The following HERC2 variants were observed in gnomAD, a reference collection of about 807,000 sequenced individuals.
HERC2 encodes E3 ubiquitin-protein ligase HERC2.
Under a neutral mutation model 537.7 loss-of-function variants are expected in HERC2, and 102 were observed. The observed-to-expected ratio is 0.19, with a 90% CI of 0.16 to 0.22. The LOEUF is 0.22. Ranked by LOEUF, HERC2 falls within the 10% of genes least tolerant of loss-of-function variation. The pLI, the probability that HERC2 is intolerant of heterozygous loss-of-function variation, is 1.00. For missense variants in HERC2, 4,236 were observed against 6,198.2 expected (o/e 0.68, Z 10.63); for synonymous variants, 2,224 against 2,466.2 (o/e 0.90, Z 2.91).
At chr15:28,314,520 A>T (rs1596469449) in intron 2 of HERC2, among the ~76,000 whole-genome samples, 1 of 150,446 alleles carries the variant, frequency 6.6e-6, no homozygotes, top group Non-Finnish European at 1.5e-5. Flanking sequence ...ACATATATTT[A>T]AAAAGTGATT....
intron 42 of HERC2, 112 bp downstream of exon 42, chr15:28,213,630 G>A (rs1201893807): frequency 6.4e-7 from 1 of 1,555,976 alleles, no homozygotes; most frequent in African/African-American, 1.4e-5. Context: ...CTTCCTGGAA[G>A]GCAAACTTCA....
intron 11 of HERC2, 123 bp downstream of exon 11, chr15:28,269,125 T>C (rs2075649820): frequency 1.4e-6 from 1 of 721,958 alleles, no homozygotes. Context: ...TAATATACAA[T>C]AAACAGAACT....
At chr15:28,156,238 C>G (rs1180105045) in intron 69 of HERC2, among the ~76,000 whole-genome samples, 1 of 152,148 alleles carries the variant, frequency 6.6e-6, no homozygotes, top group Admixed American at 6.5e-5. Context: ...ATTGACTTGG[C>G]AATGCGGGCT....
At chr15:28,281,328 G>T (rs183136785) in intron 4 of HERC2, among the ~76,000 whole-genome samples, 7 of 152,266 alleles carry the variant, frequency 4.6e-5, no homozygotes, top group East Asian at 1.9e-4. Flanking sequence ...TAAGGGAATT[G>T]TAAGTTACCT....
At chr15:28,230,727 C>G (rs1049494059) in intron 30 of HERC2, among the ~76,000 whole-genome samples, 1 of 151,604 alleles carries the variant, frequency 6.6e-6, no homozygotes, top group South Asian at 2.1e-4. Context: ...ACGGGAAGCC[C>G]GGCAGCCAGC....
In HERC2 at chr15:28,257,081, G is replaced by A. The variant is rs1567080583; in HGVS notation, c.2497C>T (p.Leu833=). ...AATACCTGAAGTCGTAGAAGATTCA[G>A]CGTTGCCACGGCCACACACTCTTTC... ...QEKECVAVAT[L]NLLRLQLHAA... Residue 833 remains leucine (L), a synonymous_variant, in exon 17 of 93, where the codon CTG becomes TTG. Transcript: ENST00000261609. 6.2e-7 allele frequency: 1 copy of A among 1,613,670 alleles called. No homozygotes were observed. Among genetic ancestry groups the A allele is most frequent in the Non-Finnish European group, 8.5e-7 (1 of 1,179,638 alleles).
At position 28,169,542 on chromosome 15, in the gene HERC2, G is replaced by GATT. The variant is rs757565125; in HGVS notation, c.10168_10170dup (p.Asn3390dup). The GATT allele has an allele frequency of 1.2e-6, 2 of 1,612,890 alleles. No homozygotes were observed. The highest frequency in any genetic ancestry group is 2.2e-5 in the South Asian group (2 of 91,020). On this transcript the variant is annotated inframe_insertion, in exon 66 of 93. Coordinates refer to ENST00000261609, the MANE Select transcript of HERC2 (RefSeq NM_004667.6). ...TGTGATAAGGCCTGCTGTTTGGCCA[G>GATT]ATTTCCATCCAATGACAAGAGAATC...
rs543946257 is a variant in HERC2, at chr15:28,192,128, G to C, written c.8284C>G (p.Arg2762Gly). 2 of 1,613,580 alleles carry C rather than the reference G, an allele frequency of 1.2e-6. No individual in the cohort carries two copies. The highest frequency in any genetic ancestry group is 2.7e-5 in the African/African-American group (2 of 75,034). The change falls in exon 53 of 93, where the codon CGT becomes GGT. Residue 2762 changes from arginine (R) to glycine (G), a missense_variant. Physicochemically the swap from Arg to Gly is moderately radical, Grantham distance 125 (BLOSUM62 -2). Coordinates refer to ENST00000261609, the MANE Select transcript of HERC2 (RefSeq NM_004667.6). ...CAACGCTTCAGCTGTTTTCCAGAAC[G>C]GCCACAAAATACCGCAGACTGACCT... Reference protein sequence around the residue: ...EPGQSAVFCGRSGKQLKRCHS... With the variant: ...EPGQSAVFCGGSGKQLKRCHS...
At chr15:28,315,245 C>T (rs973248010) in intron 2 of HERC2, among the ~76,000 whole-genome samples, 43 of 152,340 alleles carry the variant, frequency 2.8e-4, no homozygotes, top group African/African-American at 5.3e-4. Flanking sequence ...AAGTGGTGAA[C>T]GTTCATACCA....
chr15:28,301,108 A>G (rs1439451956), intron 2 of HERC2, among the ~76,000 whole-genome samples: 1 of 151,790 alleles, frequency 6.6e-6, no homozygotes, highest in African/African-American at 2.4e-5. Context: ...TGTTTCCTCA[A>G]AGAAAAAGCT....
intron 57 of HERC2, 95 bp from the exon 58 acceptor site, chr15:28,179,318 C>A: frequency 1.1e-6 from 1 of 910,028 alleles, no homozygotes; most frequent in Non-Finnish European, 1.7e-6. Flanking sequence ...CAAGGAATTA[C>A]AGTTATGCAC....
intron 2 of HERC2, among the ~76,000 whole-genome samples, chr15:28,299,926 G>A (rs529669637): frequency 4.4e-4 from 67 of 151,902 alleles, no homozygotes; most frequent in South Asian, 8.3e-4. Context: ...GGTGGCGGGC[G>A]CCTGTAATCC....
intron 71 of HERC2, among the ~76,000 whole-genome samples, chr15:28,145,317 G>A (rs981736257): frequency 3.9e-5 from 6 of 152,302 alleles, no homozygotes; most frequent in East Asian, 3.9e-4. Context: ...GGACAGGAGC[G>A]GTGGTGTACT....
At chr15:28,201,011 G>C (rs1183084112) in intron 48 of HERC2, among the ~76,000 whole-genome samples, 1 of 146,648 alleles carries the variant, frequency 6.8e-6, no homozygotes, top group Non-Finnish European at 1.5e-5. Flanking sequence ...TCACAAGTGG[G>C]GCTAGTAGAA....
Position 28,198,724 on chromosome 15 carries a change from C to T in HERC2, c.7762G>A (p.Glu2588Lys), listed in dbSNP as rs1897598035. The T allele has an allele frequency of 9.9e-6, 16 of 1,614,124 alleles. No homozygotes were observed. The highest frequency in any genetic ancestry group is 1.6e-4 in the Middle Eastern group (1 of 6,062). Residue 2588 changes from glutamate to lysine, a missense_variant, in exon 49 of 93, where the codon GAA becomes AAA. Glu to Lys is a moderately conservative substitution (Grantham distance 56). Around this residue, in one of 27 missense-constraint regions of HERC2, gnomAD observed 606 missense variants for 884.5 expected, o/e 0.69. Coordinates refer to ENST00000261609, the MANE Select transcript of HERC2 (RefSeq NM_004667.6). ...TTGATGACTTTGCCAACATCACCTT[C>T]GCACACTTCTTCATACGCTCGGCAG... ...RCCRAYEEVC[E>K]GDVGKVIKLD...
Position 28,229,522 on chromosome 15 carries a change from T to C in HERC2, c.5058A>G (p.Pro1686=), listed in dbSNP as rs1480126154. 17 of 1,613,800 alleles carry C rather than the reference T, an allele frequency of 1.1e-5. No individual in the cohort carries two copies. The highest frequency in any genetic ancestry group is 1.4e-5 in the Non-Finnish European group (17 of 1,179,804). ...CACAAAACATCGCATACTGCACAGA[T>C]GGAAGTAAGAAATTCTTGCTCGCCA... is the stretch of plus-strand genomic sequence containing the variant. The part of the protein sequence containing the change: ...LKLASKNFLL[P]SVQYAMFCGW... Residue 1686 remains proline, a synonymous_variant, in exon 33 of 93, where the codon CCA becomes CCG. Transcript: ENST00000261609.
intron 20 of HERC2, among the ~76,000 whole-genome samples, chr15:28,251,617 A>AGCC (rs1201710251): frequency 1.3e-5 from 2 of 152,144 alleles, no homozygotes; most frequent in Admixed American, 6.5e-5. Flanking sequence ...CCTGGCCAAC[A>AGCC]TGGTGAAACC....
intron 2 of HERC2, among the ~76,000 whole-genome samples, chr15:28,317,331 C>T (rs551991866): frequency 1.3e-5 from 2 of 152,310 alleles, no homozygotes; most frequent in Admixed American, 6.5e-5. Context: ...TCAAGTGATC[C>T]GCCCTCCTCG....
chr15:28,116,813 A>T lies in HERC2; in HGVS notation c.13461T>A (p.Ala4487=). 3 of 1,613,756 alleles carry T rather than the reference A, an allele frequency of 1.9e-6. No homozygotes were observed. Among genetic ancestry groups the T allele is most frequent in the Non-Finnish European group, 2.5e-6 (3 of 1,179,950 alleles). Residue 4487 remains alanine (A), a synonymous_variant, in exon 88 of 93, where the codon GCT becomes GCA. Coordinates refer to ENST00000261609, the MANE Select transcript of HERC2 (RefSeq NM_004667.6). Reference sequence around the variant, plus strand: ...CGTTCTGCAGCTCCTCACAGATCTCAGCTATGGACTCGCTGTAGCCGCCCC... The same window carrying T: ...CGTTCTGCAGCTCCTCACAGATCTCTGCTATGGACTCGCTGTAGCCGCCCC... ...DCGGGYSESI[A]EICEELQNGL...
Sources: gnomAD v4.1 joint callset for allele counts (sites outside exome capture counted in the v4.1 genomes callset) on GRCh38, gnomAD v4.1.1 for gene constraint, gnomAD v4.1.1 regional missense constraint, MANE v1.5 for transcripts, NCBI Gene and HGNC (gene_info 2026-07-23, HGNC 2026-07-21) for gene names.